The following DRD2 variants were observed in gnomAD, a reference collection of about 807,000 sequenced individuals.
DRD2 encodes dopamine receptor D2, also known as D(2) dopamine receptor.
In DRD2, 8 loss-of-function variants were observed where a neutral mutation model predicts 38.0. The observed-to-expected ratio is 0.21, with a 90% CI of 0.12 to 0.38. The LOEUF is 0.38. Ranked by LOEUF, DRD2 falls within the 10% of genes least tolerant of loss-of-function variation. DRD2 has a pLI of 1.00. For synonymous variants in DRD2, 230 were observed against 238.6 expected, an observed-to-expected ratio of 0.96 and a Z score of 0.33; for missense variants, 403 against 607.7, an observed-to-expected ratio of 0.66 and a Z score of 3.54.
chr11:113,425,365 T>C (rs1950929569), intron 1 of DRD2, among the ~76,000 whole-genome samples: 1 of 152,174 alleles, frequency 6.6e-6, no homozygotes, highest in African/African-American at 2.4e-5. Context: ...AAGCAGTATA[T>C]GCAAAGCACA....
rs970854665 is a variant in DRD2, at chr11:113,464,881, T to G, written c.-32+10195A>C. On this transcript the variant is annotated intron_variant, in intron 1 of 7. Coordinates refer to ENST00000362072, the MANE Select transcript of DRD2 (RefSeq NM_000795.4). ...CTTAATTCCCTTGCTTCATTGTTCT[T>G]AAATCATCCTTGGCTTCTCTCTTCC... Among the ~76,000 whole-genome samples, 4 of 152,206 alleles carry G rather than the reference T, an allele frequency of 2.6e-5. No individual in the cohort carries two copies. In the East Asian group the frequency reaches 7.7e-4, roughly 29 times the overall value.
rs372962175 is a variant in DRD2 at position 113,422,199 on chromosome 11, G to C, written c.285+2168C>G. Among the ~76,000 whole-genome samples the C allele has an allele frequency of 3.3e-5, 5 of 152,188 alleles. No homozygotes were observed. The East Asian group carries it at 9.6e-4, about 29-fold the overall frequency. On this transcript the variant is annotated intron_variant, in intron 2 of 7. Transcript: ENST00000362072. The stretch of plus-strand genomic sequence containing the variant: ...CCTTCCTCTTTATCCCAAGGGGGCG[G>C]TGAATAGGAAAGACAGAGTCCTCCC...
chr11:113,473,402 G>A lies in DRD2; in HGVS notation c.-32+1674C>T, dbSNP rs552345103. On this transcript the variant is annotated intron_variant, in intron 1 of 7. Transcript: ENST00000362072. ...TTTTTCAAGGAAGAAGCAAAAATAC[G>A]CATTTTTAACCAGCTTCTCAGGGAA... is the stretch of plus-strand genomic sequence containing the variant. Among the ~76,000 whole-genome samples the A allele has an allele frequency of 4.6e-5, 7 of 152,194 alleles. 1 individual carries two copies. The South Asian group carries it at 1.0e-3, about 23-fold the overall frequency.
At chr11:113,441,204 A>G (rs79505060) in intron 1 of DRD2, among the ~76,000 whole-genome samples, 2,438 of 152,302 alleles carry the variant, frequency 0.016, 73 homozygotes, top group African/African-American at 0.055. Context: ...ATAAGCCCCA[A>G]CTTATGGGCA....
At chr11:113,445,802 A>G (rs557774871) in intron 1 of DRD2, among the ~76,000 whole-genome samples, 95 of 152,228 alleles carry the variant, frequency 6.2e-4, no homozygotes, top group African/African-American at 2.2e-3. Context: ...TCACGTCTCC[A>G]TTTCCCAGGA....
intron 1 of DRD2, among the ~76,000 whole-genome samples, chr11:113,426,107 G>A (rs28685216): frequency 0.011 from 1,708 of 152,206 alleles, 41 homozygotes; most frequent in African/African-American, 0.038. Context: ...TAGTGGAAAC[G>A]AGGATGGAGA....
intron 1 of DRD2, among the ~76,000 whole-genome samples, chr11:113,463,635 G>A (rs541246502): frequency 6.6e-6 from 1 of 152,154 alleles, no homozygotes; most frequent in African/African-American, 2.4e-5. Context: ...TTATTATGGT[G>A]TGCATGCGTG....
At chr11:113,445,572 G>A (rs1013886738) in intron 1 of DRD2, among the ~76,000 whole-genome samples, 1 of 152,144 alleles carries the variant, frequency 6.6e-6, no homozygotes, top group Admixed American at 6.5e-5. Context: ...CAAAGGGGAG[G>A]GTCCTCTTCT....
chr11:113,472,087 G>GAGAA (rs1951433292), intron 1 of DRD2, among the ~76,000 whole-genome samples: 1 of 152,190 alleles, frequency 6.6e-6, no homozygotes, highest in Non-Finnish European at 1.5e-5. Context: ...AGAAGTGGTG[G>GAGAA]GTGCCAACAC....
chr11:113,412,949 A>C, intron 6 of DRD2, 66 bp from the exon 7 acceptor site: 97 of 1,506,402 alleles, frequency 6.4e-5, no homozygotes, highest in Middle Eastern at 2.3e-4. Context: ...CACCCATCTC[A>C]CTGGCCCCTC....
chr11:113,432,379 G>A (rs1262694316), intron 1 of DRD2, among the ~76,000 whole-genome samples: 1 of 151,608 alleles, frequency 6.6e-6, no homozygotes, highest in Non-Finnish European at 1.5e-5. Flanking sequence ...CACAGAGCTA[G>A]AAAGGTGGGG....
intron 2 of DRD2, among the ~76,000 whole-genome samples, chr11:113,421,061 A>T (rs1950879899): frequency 6.6e-6 from 1 of 152,202 alleles, no homozygotes; most frequent in African/African-American, 2.4e-5. Context: ...TAGAATGCAG[A>T]CAGTAAGCCT....
chr11:113,429,575 C>T (rs145349816), intron 1 of DRD2, among the ~76,000 whole-genome samples: 86 of 152,302 alleles, frequency 5.6e-4, no homozygotes, highest in African/African-American at 2.0e-3. Flanking sequence ...CACCTGGTGT[C>T]AGTCCTGGTT....
chr11:113,422,913 T>G (rs1414545064), intron 2 of DRD2, among the ~76,000 whole-genome samples: 1 of 152,132 alleles, frequency 6.6e-6, no homozygotes. Context: ...CAGGCAGGGA[T>G]GGCCTCAGAG....
rs372360862 is a variant in DRD2, at chr11:113,427,594, T to A, written c.-31-2912A>T. Among the ~76,000 whole-genome samples the A allele has an allele frequency of 7.9e-4, 120 of 152,318 alleles. 4 individuals carry two copies. In the South Asian group the frequency reaches 0.025, roughly 31 times the overall value. ...TTGTGGGCAGTACGTATTCAACAGA[T>A]GTTTGCTGAACTGAATCAAAGGCTC... On this transcript the variant is annotated intron_variant, in intron 1 of 7. Coordinates refer to ENST00000362072, the MANE Select transcript of DRD2 (RefSeq NM_000795.4).
At position 113,418,079 on chromosome 11, in the gene DRD2, C is replaced by T. The variant is rs1229320305; in HGVS notation, c.343G>A (p.Val115Ile). 6.2e-7 allele frequency: 1 copy of T among 1,614,074 alleles called. No homozygotes were observed. The highest frequency in any genetic ancestry group is 8.5e-7 in the Non-Finnish European group (1 of 1,180,042). ...IHCDIFVTLDVMMCTASILNL... is the reference protein window; with the variant it reads ...IHCDIFVTLDIMMCTASILNL... ...AGGATGCTCGCCGTGCACATCATGA[C>T]GTCCAGAGTGACGAAGATGTCACAG... The change falls in exon 3 of 8, where the codon GTC becomes ATC. Residue 115 changes from valine (V) to isoleucine (I), a missense_variant. Coordinates refer to ENST00000362072, the MANE Select transcript of DRD2 (RefSeq NM_000795.4).
At chr11:113,439,051 C>G (rs541817751) in intron 1 of DRD2, among the ~76,000 whole-genome samples, 28 of 152,330 alleles carry the variant, frequency 1.8e-4, no homozygotes, top group Non-Finnish European at 3.8e-4. Flanking sequence ...GTCTTGCAAA[C>G]TCTAAAGTCC....
intron 1 of DRD2, among the ~76,000 whole-genome samples, chr11:113,426,941 T>G (rs1008596865): frequency 6.6e-6 from 1 of 152,210 alleles, no homozygotes; most frequent in Non-Finnish European, 1.5e-5. Context: ...CAATCGGCAT[T>G]TATTGAACCT....
chr11:113,437,956 G>C (rs538642767), intron 1 of DRD2, among the ~76,000 whole-genome samples: 17 of 152,248 alleles, frequency 1.1e-4, no homozygotes, highest in African/African-American at 3.6e-4. Flanking sequence ...ACAACAGACT[G>C]GGGGGTGCAG....
Sources: allele counts gnomAD v4.1 joint callset (sites outside exome capture counted in the v4.1 genomes callset), GRCh38; gene constraint gnomAD v4.1.1; transcripts MANE v1.5; gene names NCBI Gene and HGNC (gene_info 2026-07-23, HGNC 2026-07-21).